FAT3: variants seen among roughly 807,000 people sequenced by gnomAD.
FAT3 encodes protocadherin Fat 3.
A neutral mutation model predicts 310.2 loss-of-function variants in FAT3; 95 were observed. The ratio of observed to expected loss-of-function variants is 0.31; its 90% CI spans 0.26 to 0.36. The LOEUF is 0.36. Ranked by LOEUF, FAT3 falls within the 10% of genes least tolerant of loss-of-function variation. The pLI is 1.00. For synonymous variants in FAT3, 2,314 were observed against 2,192.9 expected, an observed-to-expected ratio of 1.06 and a Z score of -1.54; for missense variants, 5,408 against 5,715.6, an observed-to-expected ratio of 0.95 and a Z score of 1.74.
At position 92,798,800 on chromosome 11, in the gene FAT3, T is replaced by C; in HGVS notation, c.5787T>C (p.His1929=). 1 of 1,613,814 alleles carries C rather than the reference T, an allele frequency of 6.2e-7. No homozygotes were observed. The highest frequency in any genetic ancestry group is 1.3e-5 in the African/African-American group (1 of 75,026). ...TYSLMEGSLD[H]FLIDSNSGVL... is the part of the protein sequence containing the mutation. ...GCCTAATGGAAGGCAGTTTGGATCATTTTTTAATTGACTCAAACAGTGGAG... is the reference window on the plus strand; with the variant it reads ...GCCTAATGGAAGGCAGTTTGGATCACTTTTTAATTGACTCAAACAGTGGAG... Residue 1929 remains histidine (H), a synonymous_variant, in exon 10 of 28, where the codon CAT becomes CAC. Coordinates refer to ENST00000525166, the MANE Select transcript of FAT3 (RefSeq NM_001367949.2).
At chr11:92,591,267 C>G (rs1939411070) in intron 3 of FAT3, among the ~76,000 whole-genome samples, 1 of 152,134 alleles carries the variant, frequency 6.6e-6, no homozygotes, top group African/African-American at 2.4e-5. Flanking sequence ...TATCCCTCTT[C>G]TCTGAAGTAA....
intron 9 of FAT3, among the ~76,000 whole-genome samples, chr11:92,793,395 C>G (rs548603721): frequency 5.5e-4 from 83 of 152,222 alleles, no homozygotes; most frequent in Non-Finnish European, 9.9e-4. Flanking sequence ...AATAGGTGGT[C>G]TGTGGGCTTC....
At chr11:92,767,055 C>T (rs1411549313) in intron 6 of FAT3, among the ~76,000 whole-genome samples, 2 of 152,048 alleles carry the variant, frequency 1.3e-5, no homozygotes, top group Non-Finnish European at 2.9e-5. Context: ...TCGAGACCAA[C>T]GTGTCCAACA....
chr11:92,347,811 C>T (rs181316012), intron 1 of FAT3, among the ~76,000 whole-genome samples: 4 of 152,056 alleles, frequency 2.6e-5, no homozygotes, highest in East Asian at 3.9e-4. Context: ...GTTAGTAAGT[C>T]GTAGAAAATA....
chr11:92,787,774 T>C (rs1218685671), intron 7 of FAT3, among the ~76,000 whole-genome samples: 1 of 151,676 alleles, frequency 6.6e-6, no homozygotes, highest in Non-Finnish European at 1.5e-5. Flanking sequence ...ATAATAAGAA[T>C]GTTGGAATTA....
At chr11:92,475,001 C>A (rs1422542578) in intron 2 of FAT3, among the ~76,000 whole-genome samples, 3 of 152,206 alleles carry the variant, frequency 2.0e-5, no homozygotes, top group African/African-American at 7.2e-5. Flanking sequence ...CATTGCCCTT[C>A]CCACATGCCC....
intron 4 of FAT3, 45 bp from the exon 5 acceptor site, chr11:92,761,811 A>C: frequency 9.0e-6 from 14 of 1,559,414 alleles, no homozygotes; most frequent in Non-Finnish European, 1.2e-5. Context: ...TGTAATAGCA[A>C]GAATAATTTT....
Position 92,798,514 on chromosome 11 carries a change from G to A in FAT3, c.5501G>A (p.Arg1834Lys). ...GTGGACTCCAGTACAGGTGCAATCAGAACAATTGCCAACCTGGACCATGAA... is the reference window on the plus strand; with the variant it reads ...GTGGACTCCAGTACAGGTGCAATCAAAACAATTGCCAACCTGGACCATGAA... ...FTVDSSTGAIRTIANLDHETI... is the reference protein window; with the variant it reads ...FTVDSSTGAIKTIANLDHETI... Residue 1834 changes from arginine (R) to lysine (K), a missense_variant, in exon 10 of 28, where the codon AGA (arginine) becomes AAA (lysine). This residue lies in a region of FAT3 where 4,588 missense variants were observed against 4,809.8 expected (regional missense o/e 0.95). Coordinates refer to ENST00000525166, the MANE Select transcript of FAT3 (RefSeq NM_001367949.2). 1 of 1,613,816 alleles carries A rather than the reference G, an allele frequency of 6.2e-7. No individual in the cohort carries two copies. Among genetic ancestry groups the A allele is most frequent in the Non-Finnish European group, 8.5e-7 (1 of 1,179,848 alleles).
chr11:92,834,996 A>T lies in FAT3; in HGVS notation c.9998A>T (p.Asp3333Val). 1 of 1,613,732 alleles carries T rather than the reference A, an allele frequency of 6.2e-7. No homozygotes were observed. The highest frequency in any genetic ancestry group is 8.5e-7 in the Non-Finnish European group (1 of 1,179,804). Residue 3333 changes from aspartate (D) to valine (V), a missense_variant, in exon 15 of 28, where the codon GAT (aspartate) becomes GTT (valine). Asp to Val is a radical substitution (Grantham distance 152). Around this residue, in one of 5 missense-constraint regions of FAT3, gnomAD observed 4,588 missense variants for 4,809.8 expected, o/e 0.95. Coordinates refer to ENST00000525166, the MANE Select transcript of FAT3 (RefSeq NM_001367949.2). ...AVATVNINLT[D>V]VNDNPPKFSQ... ...GCCACTGTCAACATCAACCTCACAG[A>T]TGTTAATGACAACCCTCCCAAGTTC...
chr11:92,871,816 G>GT (rs1949401537), intron 22 of FAT3, among the ~76,000 whole-genome samples: 1 of 152,124 alleles, frequency 6.6e-6, no homozygotes, highest in African/African-American at 2.4e-5. Flanking sequence ...CCTCCAAGGA[G>GT]TTTCTATGCA....
At chr11:92,680,132 T>G (rs1216091134) in intron 3 of FAT3, among the ~76,000 whole-genome samples, 2 of 144,784 alleles carry the variant, frequency 1.4e-5, no homozygotes, top group Non-Finnish European at 3.1e-5. Flanking sequence ...CTATTTTTGG[T>G]TTTTTTTTTT....
chr11:92,566,090 C>T (rs1486050771), intron 3 of FAT3, among the ~76,000 whole-genome samples: 2 of 152,102 alleles, frequency 1.3e-5, no homozygotes, highest in East Asian at 1.9e-4. Flanking sequence ...AAGAGGAAGT[C>T]GAATTGTCCC....
intron 2 of FAT3, among the ~76,000 whole-genome samples, chr11:92,488,230 C>T (rs1565355097): frequency 6.6e-6 from 1 of 151,980 alleles, no homozygotes; most frequent in Non-Finnish European, 1.5e-5. Flanking sequence ...CTACCGGCAG[C>T]CTGAATAAGC....
chr11:92,738,608 A>G (rs1318238376), intron 4 of FAT3, among the ~76,000 whole-genome samples: 1 of 152,240 alleles, frequency 6.6e-6, no homozygotes, highest in Non-Finnish European at 1.5e-5. Context: ...GGAATAGTGA[A>G]TTCAAAGTAC....
intron 1 of FAT3, among the ~76,000 whole-genome samples, chr11:92,303,021 C>T (rs1423087258): frequency 1.3e-5 from 2 of 152,042 alleles, no homozygotes; most frequent in African/African-American, 4.8e-5. Context: ...GCTCCGACCT[C>T]ATTAGAGTTT....
chr11:92,231,642 T>C (rs1864185393), intron 1 of FAT3, among the ~76,000 whole-genome samples: 4 of 152,208 alleles, frequency 2.6e-5, no homozygotes, highest in Admixed American at 2.6e-4. Flanking sequence ...GTGAGCACTC[T>C]GGAGCAGCTA....
intron 3 of FAT3, among the ~76,000 whole-genome samples, chr11:92,646,027 G>T (rs1468148369): frequency 1.3e-5 from 2 of 152,120 alleles, no homozygotes; most frequent in African/African-American, 2.4e-5. Flanking sequence ...GCTATCAATT[G>T]TTACATAACA....
chr11:92,603,447 A>G (rs1360389283), intron 3 of FAT3, among the ~76,000 whole-genome samples: 1 of 152,236 alleles, frequency 6.6e-6, no homozygotes, highest in Admixed American at 6.5e-5. Context: ...TTTGCTTTTA[A>G]TTAAAGCCCT....
At chr11:92,655,633 G>A (rs553743238) in intron 3 of FAT3, among the ~76,000 whole-genome samples, 15 of 152,068 alleles carry the variant, frequency 9.9e-5, no homozygotes, top group African/African-American at 3.4e-4. Context: ...CTTGAGGTAC[G>A]CCACAAACCT....
Sources: allele counts gnomAD v4.1 joint callset (sites outside exome capture counted in the v4.1 genomes callset), GRCh38; gene constraint gnomAD v4.1.1; regional missense constraint gnomAD v4.1.1; transcripts MANE v1.5; gene names NCBI Gene and HGNC (gene_info 2026-07-23, HGNC 2026-07-21).